ACAD11: variants seen among roughly 807,000 people sequenced by gnomAD.
The protein encoded by ACAD11 is acyl-CoA dehydrogenase family member 11.
In ACAD11, 83 loss-of-function variants were observed where a neutral mutation model predicts 102.2. The observed-to-expected ratio is 0.81, with a 90% CI of 0.68 to 0.97. The LOEUF (loss-of-function observed/expected upper bound fraction) is 0.97. Ranked by LOEUF, ACAD11 falls within the 50% of genes least tolerant of loss-of-function variation. ACAD11 has a pLI of 0.00. For missense variants in ACAD11, 901 were observed against 951.7 expected, an observed-to-expected ratio of 0.95 and a Z score of 0.70; for synonymous variants, 324 against 319.8, an observed-to-expected ratio of 1.01 and a Z score of -0.14.
At position 132,593,637 on chromosome 3, in the gene ACAD11, A is replaced by C. The variant is rs569522884; in HGVS notation, c.1621+9592T>G. 1.8e-4 allele frequency among the ~76,000 whole-genome samples: 27 copies of C among 152,302 alleles called. No homozygotes were observed. The South Asian group carries it at 5.6e-3, about 32-fold the overall frequency. On this transcript the variant is annotated intron_variant, in intron 13 of 19. Transcript: ENST00000264990. ...GAATACAATTTGGCAATATTCATCA[A>C]AATTACAGATTCATCCCAGCACTTT...
Position 132,561,115 on chromosome 3 carries a change from C to T in ACAD11, c.2104G>A (p.Gly702Ser). 3.7e-6 allele frequency: 6 copies of T among 1,613,006 alleles called. No individual in the cohort carries two copies. Among genetic ancestry groups the T allele is most frequent in the Non-Finnish European group, 5.1e-6 (6 of 1,179,336 alleles). ...GGTAGCCTCACCTCTTTCTTAGCGC[C>T]AGCACTGCCCAGAGTGTCCATGCTG... ...AHSMDTLGSA[G>S]AKKEIAMIKV... Residue 702 changes from glycine to serine, a missense_variant, in exon 18 of 20, where the codon GGC becomes AGC. Transcript: ENST00000264990.
intron 13 of ACAD11, 27 bp downstream of exon 13, chr3:132,603,202 G>A (rs1213776048): frequency 2.6e-6 from 4 of 1,545,724 alleles, no homozygotes; most frequent in Non-Finnish European, 3.6e-6. Context: ...CAGTGTGTTA[G>A]GTGAAAAAAT....
At chr3:132,623,486 GT>G (rs547021206) in intron 9 of ACAD11, among the ~76,000 whole-genome samples, 46 of 150,756 alleles carry the variant, frequency 3.1e-4, no homozygotes, top group South Asian at 8.4e-4. Context: ...AGGATAAAAC[GT>G]TTTTATAGAT....
rs952164439 is a variant in ACAD11 at position 132,615,115 on chromosome 3, C to A, written c.1414+3519G>T. Among the ~76,000 whole-genome samples the A allele has an allele frequency of 3.9e-5, 6 of 152,264 alleles. No homozygotes were observed. The East Asian group carries it at 9.6e-4, about 24-fold the overall frequency. ...GTCATTAGAGAAACACAAATCAAAA[C>A]CACAATGAGATACCATCTCACGCCA... On this transcript the variant is annotated intron_variant, in intron 11 of 19. Transcript: ENST00000264990.
intron 2 of ACAD11, among the ~76,000 whole-genome samples, chr3:132,644,385 C>G (rs1940641109): frequency 6.6e-6 from 1 of 152,070 alleles, no homozygotes; most frequent in Admixed American, 6.6e-5. Context: ...TTCTTTTTAT[C>G]ACCAAAAGAT....
intron 6 of ACAD11, 61 bp downstream of exon 6, chr3:132,631,280 A>G: frequency 9.6e-7 from 1 of 1,036,576 alleles, no homozygotes; most frequent in Admixed American, 3.3e-5. Context: ...TATTTTAATT[A>G]TGAAAGTAAT....
At chr3:132,615,780 C>T (rs1002757631) in intron 11 of ACAD11, among the ~76,000 whole-genome samples, 1 of 152,158 alleles carries the variant, frequency 6.6e-6, no homozygotes, top group Non-Finnish European at 1.5e-5. Context: ...CCTTCACGTT[C>T]TGCACACGTA....
chr3:132,626,215 T>C (rs1939802267), intron 9 of ACAD11, among the ~76,000 whole-genome samples: 1 of 152,158 alleles, frequency 6.6e-6, no homozygotes, highest in Admixed American at 6.5e-5. Context: ...GAATGTTCCA[T>C]ATTGCCTCTC....
intron 11 of ACAD11, among the ~76,000 whole-genome samples, chr3:132,613,233 G>A (rs201032119): frequency 6.6e-6 from 1 of 151,638 alleles, no homozygotes; most frequent in Non-Finnish European, 1.5e-5. Flanking sequence ...TTGTGGGGTG[G>A]GGGAAGGGGG....
chr3:132,650,531 A>G (rs1175803318), intron 1 of ACAD11: 1 of 152,240 alleles, frequency 6.6e-6, no homozygotes, highest in Non-Finnish European at 1.5e-5. Flanking sequence ...CTGCTATTTC[A>G]TATATTATTA....
intron 1 of ACAD11, among the ~76,000 whole-genome samples, chr3:132,647,826 G>C (rs955392898): frequency 1.3e-5 from 2 of 151,996 alleles, no homozygotes; most frequent in African/African-American, 4.8e-5. Flanking sequence ...ACATTTTTGG[G>C]GCCTGGGAAG....
In ACAD11 at chr3:132,642,716, A is replaced by C. The variant is rs1279031658; in HGVS notation, c.336T>G (p.Ser112=). ...PKPILYCSDT[S]VIGTEFYVME... ...TTACGTAAAATTCTGTTCCAATGAC[A>C]GAAGTATCACTGCAGTACAGTATAG... is the stretch of plus-strand genomic sequence containing the variant. The change falls in exon 3 of 20, where the codon TCT becomes TCG. Residue 112 remains serine, a synonymous_variant. Coordinates refer to ENST00000264990, the MANE Select transcript of ACAD11 (RefSeq NM_032169.5). 6.2e-7 allele frequency: 1 copy of C among 1,611,980 alleles called. No homozygotes were observed. Among genetic ancestry groups the C allele is most frequent in the Non-Finnish European group, 8.5e-7 (1 of 1,179,344 alleles).
chr3:132,609,280 T>C (rs977641489), intron 11 of ACAD11, among the ~76,000 whole-genome samples: 5 of 151,582 alleles, frequency 3.3e-5, no homozygotes, highest in Non-Finnish European at 4.4e-5. Flanking sequence ...AGACAAGAAA[T>C]AACCAAGATC....
intron 13 of ACAD11, among the ~76,000 whole-genome samples, chr3:132,593,168 G>C (rs1938152699): frequency 6.6e-6 from 1 of 151,876 alleles, no homozygotes; most frequent in African/African-American, 2.4e-5. Context: ...CAATTGGTTT[G>C]TCTATATAAA....
chr3:132,592,342 C>T (rs1938114540), intron 13 of ACAD11, among the ~76,000 whole-genome samples: 1 of 152,074 alleles, frequency 6.6e-6, no homozygotes, highest in African/African-American at 2.4e-5. Flanking sequence ...CTGAATAGAA[C>T]AGAGAACATT....
rs746159712 is a variant in ACAD11, at chr3:132,639,654, T to C, written c.540A>G (p.Val180=). Residue 180 remains valine (V), a splice_region_variant and synonymous_variant, in exon 5 of 20, where the codon GTA becomes GTG. Coordinates refer to ENST00000264990, the MANE Select transcript of ACAD11 (RefSeq NM_032169.5). Reference sequence around the variant, plus strand: ...CTTGATATTGCTTTGTCCAGGTTGATACCTAAAGACATATAAATAAGAAAA... The same window carrying C: ...CTTGATATTGCTTTGTCCAGGTTGACACCTAAAGACATATAAATAAGAAAA... ...GIGAGYCKRQ[V]STWTKQYQAA... 8.7e-6 allele frequency: 14 copies of C among 1,611,386 alleles called. No individual in the cohort carries two copies. The South Asian group carries it at 1.0e-4, about 11-fold the overall frequency.
chr3:132,568,660 A>G (rs1937281833), intron 17 of ACAD11, among the ~76,000 whole-genome samples: 1 of 152,204 alleles, frequency 6.6e-6, no homozygotes, highest in Non-Finnish European at 1.5e-5. Context: ...ACGCATAGAT[A>G]ATTAAGACAG....
At chr3:132,656,849 GT>G (rs200968218) in intron 1 of ACAD11, among the ~76,000 whole-genome samples, 27,170 of 143,790 alleles carry the variant, frequency 0.19, 2,793 homozygotes, top group African/African-American at 0.29. Flanking sequence ...TCATTGTGTT[GT>G]TTTTTTTTTT....
intron 17 of ACAD11, among the ~76,000 whole-genome samples, chr3:132,572,219 C>G (rs968959312): frequency 6.6e-6 from 1 of 152,120 alleles, no homozygotes; most frequent in Non-Finnish European, 1.5e-5. Context: ...AGCGAAGTCT[C>G]AGGATACAAA....
Sources: allele counts gnomAD v4.1 joint callset (sites outside exome capture counted in the v4.1 genomes callset), GRCh38; gene constraint gnomAD v4.1.1; transcripts MANE v1.5; gene names NCBI Gene and HGNC (gene_info 2026-07-23, HGNC 2026-07-21).